Variants in UPF2 observed in about 807,000 individuals in gnomAD.
The protein encoded by UPF2 is UPF2 regulator of nonsense mediated mRNA decay.
UPF2 carries 17 observed loss-of-function variants against 141.4 expected under a neutral mutation model. The observed-to-expected ratio is 0.12, with a 90% CI of 0.08 to 0.18. UPF2 has a LOEUF of 0.18. UPF2 is among the 10% of genes least tolerant of loss of function. The probability of loss-of-function intolerance (pLI) is 1.00; values close to 1 mark genes in which losing one functional copy is unlikely to be tolerated. For synonymous variants in UPF2, 540 were observed against 498.0 expected (o/e 1.08, Z -1.12); for missense variants, 1,152 against 1,515.9 (o/e 0.76, Z 3.99).
At chr10:12,007,904 T>C (rs999190219) in intron 4 of UPF2, among the ~76,000 whole-genome samples, 5 of 150,164 alleles carry the variant, frequency 3.3e-5, no homozygotes, top group Middle Eastern at 6.9e-3. Flanking sequence ...TTTTTTTTTC[T>C]CTCTGACATG....
intron 4 of UPF2, among the ~76,000 whole-genome samples, chr10:12,012,235 G>C (rs1356176410): frequency 2.5e-5 from 3 of 118,142 alleles, no homozygotes; most frequent in African/African-American, 9.8e-5. Flanking sequence ...GCTAGCTTTT[G>C]TATCTTTAGT....
At position 11,990,094 on chromosome 10, in the gene UPF2, C is replaced by T. The variant is rs529602306; in HGVS notation, c.1844+7578G>A. ...CGAAAAAAAAGTCTGGCTGAAGCCA[C>T]CCAATCTGTCCAGATTTGCTTCAAG... On this transcript the variant is annotated intron_variant, in intron 8 of 21. Coordinates refer to ENST00000357604, the MANE Select transcript of UPF2 (RefSeq NM_015542.4). Among the ~76,000 whole-genome samples, 246 of 152,328 alleles carry T rather than the reference C, an allele frequency of 1.6e-3. 1 individual carries two copies. Among genetic ancestry groups the T allele is most frequent in the African/African-American group, 5.7e-3 (238 of 41,574 alleles).
chr10:11,936,244 C>T lies in UPF2; in HGVS notation c.3546+301G>A, dbSNP rs11813202. ...AATTAGCCGGGCGTCATGGTGGACGCCTGTAATCCCAGCTACTCAGGAGGC... is the reference window on the plus strand; with the variant it reads ...AATTAGCCGGGCGTCATGGTGGACGTCTGTAATCCCAGCTACTCAGGAGGC... On this transcript the variant is annotated intron_variant, in intron 19 of 21. Coordinates refer to ENST00000357604, the MANE Select transcript of UPF2 (RefSeq NM_015542.4). The surrounding 1 kb of genome is among the most constrained non-coding windows in gnomAD (Gnocchi z 6.6). Among the ~76,000 whole-genome samples the T allele has an allele frequency of 2.2e-3, 329 of 152,082 alleles. No individual in the cohort carries two copies. The highest frequency in any genetic ancestry group is 7.6e-3 in the African/African-American group (314 of 41,494).
rs575821035 is a variant in UPF2, at chr10:11,988,163, C to T, written c.1845-8998G>A. ...ACTAAGCACATGAAAAGATGCTCAA[C>T]GTCATATGTCATTAGGGACGTTGTC... On this transcript the variant is annotated intron_variant, in intron 8 of 21. Coordinates refer to ENST00000357604, the MANE Select transcript of UPF2 (RefSeq NM_015542.4). 5.9e-5 allele frequency among the ~76,000 whole-genome samples: 9 copies of T among 152,330 alleles called. No individual in the cohort carries two copies. In the South Asian group the frequency reaches 1.9e-3, roughly 32 times the overall value.
intron 8 of UPF2, among the ~76,000 whole-genome samples, chr10:11,984,451 C>G (rs577787250): frequency 4.6e-5 from 7 of 152,186 alleles, no homozygotes; most frequent in African/African-American, 1.4e-4. Flanking sequence ...TTTCCAGGAA[C>G]CAGATCTTGA....
chr10:11,967,420 T>C lies in UPF2; in HGVS notation c.1988A>G (p.Lys663Arg). ...RKKDQINIET[K>R]NKTVRFIGEL... ...TCCTATAAAACGAACAGTTTTATTC[T>C]TTGTTTCAATATTGATCTGGTCCTT... The change falls in exon 10 of 22, where the codon AAG (lysine) becomes AGG (arginine). Residue 663 changes from lysine (K) to arginine (R), a missense_variant. Transcript: ENST00000357604. 1 of 1,585,138 alleles carries C rather than the reference T, an allele frequency of 6.3e-7. No homozygotes were observed. Among genetic ancestry groups the C allele is most frequent in the Non-Finnish European group, 8.5e-7 (1 of 1,170,976 alleles).
chr10:11,938,842 G>GTTTTTTTTTGTTTTTTT (rs1832887074), intron 18 of UPF2, among the ~76,000 whole-genome samples: 1 of 45,860 alleles, frequency 2.2e-5, no homozygotes, highest in African/African-American at 7.0e-5. Context: ...TCTTAAGCAA[G>GTTTTTTTTTGTTTTTTT]TTTTTTTTTT....
intron 15 of UPF2, among the ~76,000 whole-genome samples, chr10:11,950,907 T>A (rs1452321931): frequency 3.3e-5 from 5 of 152,238 alleles, no homozygotes; most frequent in Middle Eastern, 3.2e-3. Context: ...ACCTTTACCA[T>A]GAAAAGTGGT....
chr10:11,920,979 T>A lies in UPF2; in HGVS notation c.*319A>T, dbSNP rs768146308. 2 of 604,362 alleles carry A rather than the reference T, an allele frequency of 3.3e-6. No homozygotes were observed. The highest frequency in any genetic ancestry group is 3.7e-5 in the African/African-American group (2 of 54,570). The allele number at this position is 604,362 out of a possible 1,614,324, so 37.4% of individuals were successfully genotyped here. On this transcript the variant is annotated 3_prime_UTR_variant, in exon 22 of 22. Transcript: ENST00000357604. Reference sequence around the variant, plus strand: ...TTCTTCTCTGGCTCAATCATCTCCTTCACGCTCTCCTTGGTGTAACTGCTC... The same window carrying A: ...TTCTTCTCTGGCTCAATCATCTCCTACACGCTCTCCTTGGTGTAACTGCTC...
intron 21 of UPF2, among the ~76,000 whole-genome samples, chr10:11,926,524 C>G (rs145979095): frequency 9.7e-4 from 148 of 152,268 alleles, no homozygotes; most frequent in Middle Eastern, 3.4e-3. Context: ...CCACAGTGAT[C>G]GCGGGAAGGG....
Position 11,994,908 on chromosome 10 carries a change from A to G in UPF2, c.1844+2764T>C, listed in dbSNP as rs1344945363. Among the ~76,000 whole-genome samples the G allele has an allele frequency of 5.0e-5, 7 of 140,636 alleles. No homozygotes were observed. The South Asian group carries it at 7.1e-4, about 14-fold the overall frequency. The allele number at this position is 140,636 out of a possible 152,430, so 92.3% of individuals were successfully genotyped here. A position where few individuals can be genotyped will look rare whatever the true frequency, so the allele number is the denominator to read the frequency against. On this transcript the variant is annotated intron_variant, in intron 8 of 21. Coordinates refer to ENST00000357604, the MANE Select transcript of UPF2 (RefSeq NM_015542.4). ...GGAGAATGGCGTGAACCTGGGAGGC[A>G]GAGCTTGCAGTGAGCCGAGATCGCG...
In UPF2 at chr10:11,992,256, G is replaced by A. The variant is rs1449358073; in HGVS notation, c.1844+5416C>T. Reference sequence around the variant, plus strand: ...GTCATCAATATAAAAATAAGTGAGGGGGGATGGAAAAGCAGACAGGAAGTC... The same window carrying A: ...GTCATCAATATAAAAATAAGTGAGGAGGGATGGAAAAGCAGACAGGAAGTC... On this transcript the variant is annotated intron_variant, in intron 8 of 21. Coordinates refer to ENST00000357604, the MANE Select transcript of UPF2 (RefSeq NM_015542.4). The surrounding 1 kb of genome is among the most constrained non-coding windows in gnomAD (Gnocchi z 4.1). Among the ~76,000 whole-genome samples the A allele has an allele frequency of 6.6e-6, 1 of 152,122 alleles. No individual in the cohort carries two copies. The highest frequency in any genetic ancestry group is 2.4e-5 in the African/African-American group (1 of 41,418).
chr10:12,041,970 C>T (rs887870193), intron 1 of UPF2, among the ~76,000 whole-genome samples: 3 of 152,250 alleles, frequency 2.0e-5, no homozygotes, highest in Admixed American at 6.5e-5. Flanking sequence ...ACCTGGGGAC[C>T]AAATATCCTG....
chr10:11,945,893 G>A lies in UPF2; in HGVS notation c.3174+2476C>T, dbSNP rs532758283. On this transcript the variant is annotated intron_variant, in intron 16 of 21. Transcript: ENST00000357604. The stretch of plus-strand genomic sequence containing the variant: ...TGGAAATAGTTTCTCATTTCCCTTT[G>A]TTGTTATAAAATACTTAATGAGTCA... Among the ~76,000 whole-genome samples, 39 of 152,046 alleles carry A rather than the reference G, an allele frequency of 2.6e-4. No individual in the cohort carries two copies. In the South Asian group the frequency reaches 8.1e-3, roughly 32 times the overall value.
At chr10:11,929,447 C>T (rs746153880) in intron 21 of UPF2, among the ~76,000 whole-genome samples, 7 of 152,132 alleles carry the variant, frequency 4.6e-5, no homozygotes. Flanking sequence ...GACTAGCCTA[C>T]ACAATATGGC....
intron 18 of UPF2, among the ~76,000 whole-genome samples, chr10:11,938,677 T>C (rs1476747648): frequency 6.6e-6 from 1 of 151,934 alleles, no homozygotes; most frequent in Non-Finnish European, 1.5e-5. Context: ...TCATTTCTCA[T>C]TGATTTGCTA....
intron 2 of UPF2, among the ~76,000 whole-genome samples, chr10:12,030,710 C>A (rs777487304): frequency 6.6e-6 from 1 of 150,500 alleles, no homozygotes; most frequent in Non-Finnish European, 1.5e-5. Context: ...GGTGAAACGC[C>A]ATCTCTACTA....
chr10:12,034,282 G>T (rs919563798), intron 2 of UPF2, among the ~76,000 whole-genome samples: 1 of 151,932 alleles, frequency 6.6e-6, no homozygotes, highest in African/African-American at 2.4e-5. Flanking sequence ...TTTAAAAAAT[G>T]GAGTACTATC....
rs148618888 is a variant in UPF2, at chr10:11,952,560, C to T, written c.2851-311G>A. On this transcript the variant is annotated intron_variant, in intron 14 of 21. Coordinates refer to ENST00000357604, the MANE Select transcript of UPF2 (RefSeq NM_015542.4). ...CGCCATCTCAGCTCACTGCAAGCTC[C>T]GCCTCCCAGGTTCACGCCATTCTCC... Among the ~76,000 whole-genome samples, 199 of 149,592 alleles carry T rather than the reference C, an allele frequency of 1.3e-3. 5 individuals are homozygous for T. In the East Asian group the frequency reaches 0.033, roughly 25 times the overall value.
Sources: allele counts gnomAD v4.1 joint callset (sites outside exome capture counted in the v4.1 genomes callset), GRCh38; gene constraint gnomAD v4.1.1; non-coding constraint Gnocchi (gnomAD v3.1); transcripts MANE v1.5; gene names NCBI Gene and HGNC (gene_info 2026-07-23, HGNC 2026-07-21).